Variants in RRM2 observed in about 807,000 individuals in gnomAD.
RRM2 encodes the protein ribonucleoside-diphosphate reductase subunit M2.
Under a neutral mutation model 45.9 loss-of-function variants are expected in RRM2, and 6 were observed. The observed-to-expected ratio is 0.13, with a 90% CI of 0.07 to 0.26. RRM2 has a LOEUF of 0.26. RRM2 is among the 10% of genes least tolerant of loss of function. The pLI, the probability that RRM2 is intolerant of heterozygous loss-of-function variation, is 1.00. For synonymous variants in RRM2, 177 were observed against 173.0 expected, an observed-to-expected ratio of 1.02 and a Z score of -0.18; for missense variants, 343 against 489.5, an observed-to-expected ratio of 0.70 and a Z score of 2.82.
At chr2:10,189,984 G>A (rs1457271542) in intron 3 of RRM2, among the ~76,000 whole-genome samples, 1 of 152,116 alleles carries the variant, frequency 6.6e-6, no homozygotes, top group Non-Finnish European at 1.5e-5. Context: ...GATGATGGTG[G>A]TGATGGTACT....
intron 3 of RRM2, among the ~76,000 whole-genome samples, chr2:10,147,301 G>C (rs758041745): frequency 1.1e-4 from 17 of 150,980 alleles, no homozygotes; most frequent in Non-Finnish European, 2.2e-4. Context: ...TTTTGTTTTT[G>C]AGACAGAATC....
At chr2:10,186,027 G>C (rs1421693693) in intron 3 of RRM2, among the ~76,000 whole-genome samples, 3 of 152,230 alleles carry the variant, frequency 2.0e-5, no homozygotes, top group Non-Finnish European at 4.4e-5. Context: ...AAATTCGGCA[G>C]AAATCTTCAA....
At chr2:10,152,899 TAA>T (rs1378924655) in intron 3 of RRM2, among the ~76,000 whole-genome samples, 2 of 152,160 alleles carry the variant, frequency 1.3e-5, no homozygotes, top group Non-Finnish European at 2.9e-5. Flanking sequence ...GGTTTCTAAA[TAA>T]ATAAAAAATA....
chr2:10,199,291 G>GC (rs1015996364), intron 3 of RRM2: 3 of 136,464 alleles, frequency 2.2e-5, no homozygotes, highest in African/African-American at 5.3e-5. Context: ...AAAAAAAAGG[G>GC]GGGGGGGAAG....
At chr2:10,194,325 C>G (rs1422126625) in intron 3 of RRM2, among the ~76,000 whole-genome samples, 1 of 152,200 alleles carries the variant, frequency 6.6e-6, no homozygotes, top group East Asian at 1.9e-4. Context: ...CTGTGTCCAC[C>G]TCCTGGTCAG....
At chr2:10,174,765 G>A (rs1450122359) in intron 3 of RRM2, among the ~76,000 whole-genome samples, 1 of 151,950 alleles carries the variant, frequency 6.6e-6, no homozygotes, top group African/African-American at 2.4e-5. Context: ...TATTTGGGAG[G>A]CAGAGGCAGG....
At chr2:10,170,346 C>T (rs1455927165) in intron 3 of RRM2, among the ~76,000 whole-genome samples, 1 of 152,156 alleles carries the variant, frequency 6.6e-6, no homozygotes, top group Non-Finnish European at 1.5e-5. Context: ...GTCCTCCCTC[C>T]TCAAGAAGCG....
At chr2:10,207,088 C>G (rs1366056828) in intron 3 of RRM2, among the ~76,000 whole-genome samples, 1 of 152,194 alleles carries the variant, frequency 6.6e-6, no homozygotes, top group African/African-American at 2.4e-5. Context: ...CCAGAAAGGA[C>G]TCACAATCTG....
In RRM2 at chr2:10,173,907, G is replaced by A. The variant is rs144022989; in HGVS notation, n.482+31532G>A. Among the ~76,000 whole-genome samples, 115 of 152,294 alleles carry A rather than the reference G, an allele frequency of 7.6e-4. 1 individual carries two copies. The highest frequency in any genetic ancestry group is 9.9e-4 in the African/African-American group (41 of 41,550). On this transcript the variant is annotated intron_variant and non_coding_transcript_variant, in intron 3 of 3. Coordinates refer to the RRM2 transcript ENST00000381786. ...GTGGCGATTGGGCTGGTTCTGTACC[G>A]GGTGTGCTCCGTGGGGGGCGTGATC...
At position 10,159,231 on chromosome 2, in the gene RRM2, AG is replaced by A. The variant is rs1663501923; in HGVS notation, n.482+16857del. On this transcript the variant is annotated intron_variant and non_coding_transcript_variant, in intron 3 of 3. Transcript: ENST00000381786. ...AGCCCAAAGGCTTGAGTAGTTGAAG[AG>A]CTGTAAACAGTGGCTACCAGGTGCC... is the stretch of plus-strand genomic sequence containing the variant. Among the ~76,000 whole-genome samples the A allele has an allele frequency of 2.0e-5, 3 of 152,294 alleles. No individual in the cohort carries two copies. In the South Asian group the frequency reaches 6.2e-4, roughly 32 times the overall value.
rs148301754 is a variant in RRM2 at position 10,196,904 on chromosome 2, C to G, written n.483-13407C>G. ...GTGGCTGGGGTCCCTGGGAGCGCAT[C>G]CCTTTTGAGACCACACTCCTCAGCA... On this transcript the variant is annotated intron_variant and non_coding_transcript_variant, in intron 3 of 3. Transcript: ENST00000381786. 3.2e-4 allele frequency among the ~76,000 whole-genome samples: 49 copies of G among 152,300 alleles called. No individual in the cohort carries two copies. In the East Asian group the frequency reaches 8.3e-3, roughly 26 times the overall value.
intron 3 of RRM2, among the ~76,000 whole-genome samples, chr2:10,164,682 G>A (rs1246548535): frequency 6.6e-6 from 1 of 152,214 alleles, no homozygotes; most frequent in African/African-American, 2.4e-5. Flanking sequence ...CTAGGGGAGG[G>A]ATGTGGGTGT....
intron 3 of RRM2, among the ~76,000 whole-genome samples, chr2:10,165,949 T>C (rs1306470080): frequency 6.6e-6 from 1 of 152,122 alleles, no homozygotes; most frequent in East Asian, 1.9e-4. Flanking sequence ...ACTGGGTGCC[T>C]AGAAGCTCTG....
intron 3 of RRM2, among the ~76,000 whole-genome samples, chr2:10,160,373 G>A (rs1428978561): frequency 2.0e-5 from 3 of 152,328 alleles, no homozygotes; most frequent in African/African-American, 4.8e-5. Flanking sequence ...CTGCCTGCAC[G>A]GAGTGGTGCT....
chr2:10,156,439 G>A (rs1663428421), intron 3 of RRM2, among the ~76,000 whole-genome samples: 1 of 152,156 alleles, frequency 6.6e-6, no homozygotes, highest in Admixed American at 6.5e-5. Context: ...GCAGGGGAAG[G>A]GGCAGTCCTG....
At chr2:10,135,222 G>A (rs575599480), downstream of RRM2, among the ~76,000 whole-genome samples, 1 of 150,302 alleles carries the variant, frequency 6.7e-6, no homozygotes, top group East Asian at 1.9e-4. Flanking sequence ...TCAAAAGGAA[G>A]CTGGGCATCA....
chr2:10,122,573 C>A (rs1302298337), upstream of RRM2: 35 of 1,442,752 alleles, frequency 2.4e-5, no homozygotes, highest in Non-Finnish European at 3.2e-5. Flanking sequence ...GCTTGAAAAT[C>A]GCGCGCGGCC....
At position 10,161,569 on chromosome 2, in the gene RRM2, A is replaced by G. The variant is rs565061505; in HGVS notation, n.482+19194A>G. On this transcript the variant is annotated intron_variant and non_coding_transcript_variant, in intron 3 of 3. Coordinates refer to the RRM2 transcript ENST00000381786. ...TACAGATGAGAAAAATACATACACTATTTAAAAACACTTCTATCCAACACA... is the reference window on the plus strand; with the variant it reads ...TACAGATGAGAAAAATACATACACTGTTTAAAAACACTTCTATCCAACACA... Among the ~76,000 whole-genome samples the G allele has an allele frequency of 1.1e-4, 16 of 152,182 alleles. No individual in the cohort carries two copies. In the East Asian group the frequency reaches 3.1e-3, roughly 29 times the overall value.
upstream of RRM2, chr2:10,122,668 C>A: frequency 6.5e-7 from 1 of 1,549,760 alleles, no homozygotes; most frequent in Non-Finnish European, 8.7e-7. Context: ...GCCGGGGCAC[C>A]AAAGCCAATG....
Sources: allele counts gnomAD v4.1 joint callset (sites outside exome capture counted in the v4.1 genomes callset), GRCh38; gene constraint gnomAD v4.1.1; transcripts MANE v1.5; gene names NCBI Gene and HGNC (gene_info 2026-07-23, HGNC 2026-07-21).